MACROD2: variants seen among roughly 807,000 people sequenced by gnomAD.
MACROD2 encodes mono-ADP ribosylhydrolase 2, also known as ADP-ribose glycohydrolase MACROD2.
A neutral mutation model predicts 70.4 loss-of-function variants in MACROD2; 36 were observed. The observed-to-expected ratio is 0.51, with a 90% CI of 0.39 to 0.68. The LOEUF is 0.68. Among genes scored for constraint, MACROD2 ranks in the 30% least tolerant of loss-of-function variants. MACROD2 has a pLI of 0.00. For synonymous variants in MACROD2, 172 were observed against 178.8 expected, an observed-to-expected ratio of 0.96 and a Z score of 0.30; for missense variants, 496 against 538.4, an observed-to-expected ratio of 0.92 and a Z score of 0.78.
At chr20:15,501,951 T>C (rs952192425) in intron 8 of MACROD2, among the ~76,000 whole-genome samples, 1 of 152,206 alleles carries the variant, frequency 6.6e-6, no homozygotes, top group African/African-American at 2.4e-5. Context: ...TTCTGATTGG[T>C]TAAGCTACTT....
rs1011459926 is a variant in MACROD2, at chr20:14,471,359, T to G, written c.272-22120T>G. Reference sequence around the variant, plus strand: ...CACTGGGAGATGTAGACCGGAGCTGTTCCTATTTGGCCATCTTGCCAGCCC... The same window carrying G: ...CACTGGGAGATGTAGACCGGAGCTGGTCCTATTTGGCCATCTTGCCAGCCC... On this transcript the variant is annotated intron_variant, in intron 3 of 17. Transcript: ENST00000684519. Among the ~76,000 whole-genome samples the G allele has an allele frequency of 2.0e-5, 3 of 152,330 alleles. No homozygotes were observed. The South Asian group carries it at 6.2e-4, about 32-fold the overall frequency.
At chr20:15,368,860 G>C (rs1007835889) in intron 6 of MACROD2, among the ~76,000 whole-genome samples, 1 of 152,116 alleles carries the variant, frequency 6.6e-6, no homozygotes, top group Non-Finnish European at 1.5e-5. Flanking sequence ...CATTTAACGT[G>C]GGTTCATTAG....
rs2067303814 is a variant in MACROD2, at chr20:16,041,240, A to G, written c.1193A>G (p.Glu398Gly). The G allele has an allele frequency of 1.2e-6, 2 of 1,612,176 alleles. No homozygotes were observed. Among genetic ancestry groups the G allele is most frequent in the East Asian group, 4.5e-5 (2 of 44,792 alleles). The change falls in exon 16 of 18, where the codon GAA becomes GGA. Residue 398 changes from glutamate (E) to glycine (G), a missense_variant. Coordinates refer to ENST00000684519, the MANE Select transcript of MACROD2 (RefSeq NM_001351661.2). ...ACACCTAGGATGCCTGGGAAAAGTG[A>G]AGGCTCCAGTGACCTAGAAAATACT... is the stretch of plus-strand genomic sequence containing the variant. ...EDTPRMPGKS[E>G]GSSDLENTPG...
At chr20:14,073,434 T>C (rs1423455605) in intron 2 of MACROD2, among the ~76,000 whole-genome samples, 1 of 152,062 alleles carries the variant, frequency 6.6e-6, no homozygotes, top group Admixed American at 6.5e-5. Context: ...ACCATACATA[T>C]ATAGGCAATA....
chr20:15,213,175 A>G (rs2076778727), intron 5 of MACROD2, among the ~76,000 whole-genome samples: 1 of 152,214 alleles, frequency 6.6e-6, no homozygotes, highest in Admixed American at 6.5e-5. Flanking sequence ...GCCAGAATTT[A>G]CTTAGTGACT....
chr20:14,630,146 C>G (rs1242273076), intron 4 of MACROD2, among the ~76,000 whole-genome samples: 1 of 152,182 alleles, frequency 6.6e-6, no homozygotes, highest in East Asian at 1.9e-4. Flanking sequence ...CACAGTTTGG[C>G]TTTTGAGCCA....
intron 5 of MACROD2, among the ~76,000 whole-genome samples, chr20:15,132,135 G>A (rs2076110710): frequency 6.6e-6 from 1 of 151,972 alleles, no homozygotes; most frequent in African/African-American, 2.4e-5. Context: ...AAAAAACTCA[G>A]TGTATGATAA....
chr20:15,678,461 G>A (rs201218), intron 8 of MACROD2, among the ~76,000 whole-genome samples: 116,976 of 151,330 alleles, frequency 0.77, 45,758 homozygotes, highest in African/African-American at 0.84. Context: ...CCGGGTTCAC[G>A]CCATTCTCCT....
intron 5 of MACROD2, among the ~76,000 whole-genome samples, chr20:15,097,266 T>C (rs1175278024): frequency 1.3e-5 from 2 of 152,196 alleles, no homozygotes; most frequent in Non-Finnish European, 2.9e-5. Flanking sequence ...GTGTGGTATT[T>C]TGCATTGTAC....
intron 3 of MACROD2, among the ~76,000 whole-genome samples, chr20:14,177,551 G>C (rs183593967): frequency 6.6e-6 from 1 of 152,020 alleles, no homozygotes; most frequent in Non-Finnish European, 1.5e-5. Context: ...TCCAACCTCA[G>C]GTGATCTGCC....
At chr20:15,702,096 C>T (rs963283863) in intron 8 of MACROD2, among the ~76,000 whole-genome samples, 15 of 152,266 alleles carry the variant, frequency 9.9e-5, no homozygotes, top group Middle Eastern at 6.8e-3. Context: ...TCCATGTCTT[C>T]GCTATTGTGA....
chr20:15,515,716 T>G (rs1439139788), intron 8 of MACROD2, among the ~76,000 whole-genome samples: 1 of 152,246 alleles, frequency 6.6e-6, no homozygotes, highest in Non-Finnish European at 1.5e-5. Flanking sequence ...ATAAAGCCAG[T>G]GTATCTGTCT....
At position 14,053,023 on chromosome 20, in the gene MACROD2, G is replaced by A. The variant is rs981462097; in HGVS notation, c.164-32598G>A. ...GTTTTTTTTTTTCTTTTCTGTTTCA[G>A]TGAAAATAAGTAATGTTGCTCTTAA... On this transcript the variant is annotated intron_variant, in intron 2 of 17. Coordinates refer to ENST00000684519, the MANE Select transcript of MACROD2 (RefSeq NM_001351661.2). The A allele has an allele frequency of 1.2e-4, 18 of 149,734 alleles. 1 individual carries two copies. Among genetic ancestry groups the A allele is most frequent in the Admixed American group, 6.0e-4 (9 of 15,044 alleles). The allele number at this position is 149,734 out of a possible 1,614,324, so 9.3% of individuals were successfully genotyped here.
At chr20:14,007,326 A>G (rs1021680754) in intron 2 of MACROD2, among the ~76,000 whole-genome samples, 1 of 152,120 alleles carries the variant, frequency 6.6e-6, no homozygotes, top group Admixed American at 6.6e-5. Context: ...GTGACCAAAG[A>G]GTCCTTTTTT....
chr20:15,231,076 T>G (rs1393565777), intron 6 of MACROD2, among the ~76,000 whole-genome samples: 1 of 152,132 alleles, frequency 6.6e-6, no homozygotes, highest in African/African-American at 2.4e-5. Context: ...ATGGTTGTTA[T>G]GCTTTTTGTG....
intron 8 of MACROD2, among the ~76,000 whole-genome samples, chr20:15,610,448 T>A (rs1032378264): frequency 6.6e-6 from 1 of 152,300 alleles, no homozygotes; most frequent in Admixed American, 6.5e-5. Context: ...TGTGGCTGTG[T>A]AACTCCCATC....
intron 8 of MACROD2, among the ~76,000 whole-genome samples, chr20:15,768,138 CTGTGTGTG>C (rs557053436): frequency 1.3e-5 from 2 of 148,546 alleles, no homozygotes; most frequent in South Asian, 4.2e-4. Flanking sequence ...GTGTATGTGT[CTGTGTGTG>C]TGTGTGTGTG....
At chr20:15,741,216 CA>C (rs1161689354) in intron 8 of MACROD2, among the ~76,000 whole-genome samples, 11 of 151,476 alleles carry the variant, frequency 7.3e-5, no homozygotes, top group African/African-American at 2.4e-4. Context: ...CTCAGCCTCC[CA>C]AGTAGCTGGG....
chr20:14,864,927 A>T (rs1023587461), intron 5 of MACROD2, among the ~76,000 whole-genome samples: 2 of 152,104 alleles, frequency 1.3e-5, no homozygotes, highest in African/African-American at 2.4e-5. Context: ...CTTTCAGTTG[A>T]TGTTGAATTT....
Sources: gnomAD v4.1 joint callset for allele counts (sites outside exome capture counted in the v4.1 genomes callset) on GRCh38, gnomAD v4.1.1 for gene constraint, MANE v1.5 for transcripts, NCBI Gene and HGNC (gene_info 2026-07-23, HGNC 2026-07-21) for gene names.